Variants in TAS2R1 observed in about 807,000 individuals in gnomAD.
TAS2R1 encodes taste 2 receptor member 1.
For missense variants in TAS2R1, 370 were observed against 353.4 expected (o/e 1.05, Z -0.38); for synonymous variants, 141 against 134.2 (o/e 1.05, Z -0.35).
upstream of TAS2R1, chr5:9,713,972 GTCATTATATAAATGTAA>G (rs1251421909): frequency 3.3e-5 from 5 of 152,182 alleles, no homozygotes; most frequent in African/African-American, 1.2e-4. Context: ...ATATCTTCAT[GTCATTATATAAATGTAA>G]TGGCAGTGGC....
At chr5:9,748,030 G>A in the TAS2R1 span, among the ~76,000 whole-genome samples, 2 of 152,088 alleles carry the variant, frequency 1.3e-5, no homozygotes, top group African/African-American at 4.8e-5. Flanking sequence ...GGACATGGTG[G>A]CTGCAGGTGA....
At chr5:9,733,280 T>G in the TAS2R1 span, among the ~76,000 whole-genome samples, 2 of 152,238 alleles carry the variant, frequency 1.3e-5, no homozygotes, top group Non-Finnish European at 2.9e-5. Context: ...CCATGCCAAC[T>G]CATTTGTGCA....
At chr5:9,823,567 G>C in the TAS2R1 span, among the ~76,000 whole-genome samples, 2 of 141,970 alleles carry the variant, frequency 1.4e-5, no homozygotes, top group Non-Finnish European at 3.1e-5. Flanking sequence ...AGGCAGAAAG[G>C]GGGGAAAGAG....
chr5:9,723,628 G>A, the TAS2R1 span, among the ~76,000 whole-genome samples: 1 of 152,246 alleles, frequency 6.6e-6, no homozygotes, highest in East Asian at 1.9e-4. Flanking sequence ...AGAGGCAGGG[G>A]TGTGCCAGGG....
chr5:9,678,850 G>T (rs1740936769), intron 1 of TAS2R1, among the ~76,000 whole-genome samples: 1 of 152,050 alleles, frequency 6.6e-6, no homozygotes, highest in Non-Finnish European at 1.5e-5. Context: ...CAAGGTGATG[G>T]GTTGATGTGT....
chr5:9,872,253 T>C, the TAS2R1 span, among the ~76,000 whole-genome samples: 14 of 152,196 alleles, frequency 9.2e-5, no homozygotes, highest in Admixed American at 7.2e-4. Context: ...CATATAGACA[T>C]AGCAATGCAA....
At chr5:9,658,203 T>G (rs1388489412) in intron 2 of TAS2R1, among the ~76,000 whole-genome samples, 2 of 152,174 alleles carry the variant, frequency 1.3e-5, no homozygotes, top group Non-Finnish European at 2.9e-5. Context: ...AGAAAACACT[T>G]TACATGCATT....
the TAS2R1 span, among the ~76,000 whole-genome samples, chr5:9,743,562 C>G: frequency 6.6e-6 from 1 of 152,180 alleles, no homozygotes; most frequent in African/African-American, 2.4e-5. Flanking sequence ...ATAATTGTCA[C>G]TTCGCGCCTC....
chr5:9,851,484 C>T, the TAS2R1 span, among the ~76,000 whole-genome samples: 2 of 151,186 alleles, frequency 1.3e-5, no homozygotes, highest in East Asian at 3.9e-4. Context: ...ACTTGATCTA[C>T]AGATCTCACA....
the TAS2R1 span, among the ~76,000 whole-genome samples, chr5:9,758,986 G>A: frequency 6.6e-6 from 1 of 152,174 alleles, no homozygotes; most frequent in East Asian, 1.9e-4. Flanking sequence ...ACATGCAGCT[G>A]GAATGGTGAA....
intron 1 of TAS2R1, among the ~76,000 whole-genome samples, chr5:9,695,049 G>A (rs1178337362): frequency 6.6e-6 from 1 of 152,082 alleles, no homozygotes; most frequent in East Asian, 1.9e-4. Flanking sequence ...ACCTGCTGTG[G>A]GACTTAGGGC....
chr5:9,903,631 G>A, the TAS2R1 span: 1 of 152,124 alleles, frequency 6.6e-6, no homozygotes, highest in Non-Finnish European at 1.5e-5. Flanking sequence ...CCACCCAACA[G>A]ACCTACCAGG....
the TAS2R1 span, among the ~76,000 whole-genome samples, chr5:9,875,768 T>G: frequency 6.6e-6 from 1 of 151,192 alleles, no homozygotes; most frequent in South Asian, 2.1e-4. Context: ...TCCCTCCGAG[T>G]AGGTTAGAAG....
upstream of TAS2R1, among the ~76,000 whole-genome samples, chr5:9,632,941 A>C (rs946079510): frequency 3.3e-5 from 5 of 151,910 alleles, no homozygotes. Flanking sequence ...AAAATGGTGA[A>C]TCCTTTCCAG....
chr5:9,821,991 A>G, the TAS2R1 span, among the ~76,000 whole-genome samples: 1 of 152,192 alleles, frequency 6.6e-6, no homozygotes, highest in East Asian at 1.9e-4. Flanking sequence ...GTCACCATCA[A>G]GAAGGGGAAG....
intron 2 of TAS2R1, among the ~76,000 whole-genome samples, chr5:9,640,487 T>A (rs1290076204): frequency 9.2e-6 from 1 of 108,650 alleles, no homozygotes; most frequent in Non-Finnish European, 1.8e-5. Context: ...GCCACAAACC[T>A]TCAATTCCTT....
At chr5:9,685,918 T>C (rs2085501512) in intron 1 of TAS2R1, among the ~76,000 whole-genome samples, 1 of 152,236 alleles carries the variant, frequency 6.6e-6, no homozygotes, top group South Asian at 2.1e-4. Context: ...CAAGCTGAAG[T>C]GCAATGGTGC....
At chr5:9,717,655 A>T in the TAS2R1 span, among the ~76,000 whole-genome samples, 2 of 151,836 alleles carry the variant, frequency 1.3e-5, no homozygotes. Flanking sequence ...ATAGACTGAC[A>T]TCAAAGAAAC....
At chr5:9,633,487 T>A (rs539677179), upstream of TAS2R1, among the ~76,000 whole-genome samples, 1 of 151,862 alleles carries the variant, frequency 6.6e-6, no homozygotes, top group South Asian at 2.1e-4. Flanking sequence ...CTGGATCAAA[T>A]GGTAGTTCTA....
Sources: allele counts gnomAD v4.1 joint callset (sites outside exome capture counted in the v4.1 genomes callset), GRCh38; gene constraint gnomAD v4.1.1; transcripts MANE v1.5; gene names NCBI Gene and HGNC (gene_info 2026-07-23, HGNC 2026-07-21).